Variants in PCDH11X observed in about 807,000 individuals in gnomAD.
PCDH11X encodes protocadherin-11 X-linked.
Under a neutral mutation model 53.3 loss-of-function variants are expected in PCDH11X, and 18 were observed. The observed-to-expected ratio is 0.34, with a 90% CI of 0.23 to 0.50. The LOEUF (loss-of-function observed/expected upper bound fraction) is 0.50, where lower values mean the gene tolerates loss of function less well. Among genes scored for constraint, PCDH11X ranks in the 20% least tolerant of loss-of-function variants. PCDH11X has a pLI of 0.98. For synonymous variants in PCDH11X, 279 were observed against 393.3 expected, an observed-to-expected ratio of 0.71 and a Z score of 3.44; for missense variants, 570 against 1,032.4, an observed-to-expected ratio of 0.55 and a Z score of 6.14.
intron 4 of PCDH11X, among the ~76,000 whole-genome samples, chrX:91,824,896 C>T (rs1341943453): frequency 9.3e-6 from 1 of 107,162 alleles, no homozygotes; most frequent in Non-Finnish European, 1.9e-5. Flanking sequence ...TTCTAACAGA[C>T]AGGACCCTCA....
intron 6 of PCDH11X, among the ~76,000 whole-genome samples, chrX:91,901,414 C>T (rs1275848609): frequency 9.0e-6 from 1 of 111,024 alleles, no homozygotes; most frequent in Non-Finnish European, 1.9e-5. Context: ...CCAGTCCTTT[C>T]CTGTCAGCCT....
intron 6 of PCDH11X, among the ~76,000 whole-genome samples, chrX:91,929,663 A>T (rs1200573250): frequency 9.0e-6 from 1 of 111,641 alleles, no homozygotes; most frequent in Admixed American, 9.6e-5. Context: ...TCTCCGGGAA[A>T]TAATAAAATT....
At chrX:92,379,931 T>G (rs2070835072) in intron 8 of PCDH11X, among the ~76,000 whole-genome samples, 1 of 94,688 alleles carries the variant, frequency 1.1e-5, no homozygotes, top group Non-Finnish European at 2.2e-5. Context: ...ACCCACCAAA[T>G]GGCAGGACTG....
intron 6 of PCDH11X, among the ~76,000 whole-genome samples, chrX:91,927,872 A>G (rs1941999137): frequency 9.0e-6 from 1 of 111,105 alleles, no homozygotes; most frequent in African/African-American, 3.3e-5. Context: ...AGACATGAAC[A>G]TGATTAAGCT....
At chrX:92,577,972 A>T (rs1328676874) in intron 10 of PCDH11X, among the ~76,000 whole-genome samples, 1 of 108,698 alleles carries the variant, frequency 9.2e-6, no homozygotes, top group African/African-American at 3.4e-5. Context: ...GATCAGTTTT[A>T]TAGTAAGTGC....
chrX:92,140,720 C>T (rs1051890456), intron 6 of PCDH11X, among the ~76,000 whole-genome samples: 21 of 111,279 alleles, frequency 1.9e-4, no homozygotes, highest in African/African-American at 6.5e-4. Flanking sequence ...TGCCAACCCA[C>T]TTATAGCAAG....
chrX:92,561,986 T>A (rs747595533), intron 10 of PCDH11X, among the ~76,000 whole-genome samples: 26 of 107,325 alleles, frequency 2.4e-4, no homozygotes, highest in Admixed American at 1.0e-3. Context: ...ATACCAGAGA[T>A]TGAGTAATTT....
chrX:92,336,093 G>A (rs2148510064), intron 8 of PCDH11X, among the ~76,000 whole-genome samples: 1 of 110,975 alleles, frequency 9.0e-6, no homozygotes, highest in Non-Finnish European at 1.9e-5. Context: ...AAATTACAAG[G>A]AAGGTATCTA....
chrX:91,913,745 C>A (rs79880728), intron 6 of PCDH11X, among the ~76,000 whole-genome samples: 2 of 111,124 alleles, frequency 1.8e-5, no homozygotes, highest in South Asian at 7.6e-4. Flanking sequence ...TTACTACTAT[C>A]ACAGCTGGTG....
intron 1 of PCDH11X, among the ~76,000 whole-genome samples, chrX:91,789,200 C>CAAAAAAAAAAAA (rs764959497): frequency 1.9e-4 from 9 of 47,190 alleles, no homozygotes; most frequent in Admixed American, 3.4e-4. Context: ...GACTCCGTCT[C>CAAAAAAAAAAAA]AAAAAAAAAA....
chrX:92,238,749 G>T (rs1324569997), intron 7 of PCDH11X, among the ~76,000 whole-genome samples: 1 of 111,195 alleles, frequency 9.0e-6, no homozygotes, highest in East Asian at 2.8e-4. Context: ...TACATGTAAA[G>T]TAACAATGCC....
At chrX:92,139,874 T>G (rs1210753460) in intron 6 of PCDH11X, among the ~76,000 whole-genome samples, 2 of 110,872 alleles carry the variant, frequency 1.8e-5, no homozygotes, top group East Asian at 5.7e-4. Context: ...GGGACTATTT[T>G]TCTATATTCT....
At chrX:92,461,304 A>T (rs1245916296) in intron 9 of PCDH11X, among the ~76,000 whole-genome samples, 1 of 108,419 alleles carries the variant, frequency 9.2e-6, no homozygotes, top group East Asian at 2.9e-4. Context: ...CTGACTTCAA[A>T]TTATACTACA....
At chrX:92,498,290 A>T (rs1343179131) in intron 10 of PCDH11X, among the ~76,000 whole-genome samples, 2 of 110,610 alleles carry the variant, frequency 1.8e-5, no homozygotes, top group Non-Finnish European at 3.8e-5. Context: ...CAACAAAATT[A>T]GCAAAAGTAT....
intron 6 of PCDH11X, among the ~76,000 whole-genome samples, chrX:91,920,055 A>T (rs1433265227): frequency 3.6e-5 from 4 of 111,636 alleles, no homozygotes; most frequent in African/African-American, 1.3e-4. Context: ...TTTTCTACTG[A>T]ATAATCCATG....
At chrX:92,113,471 G>A in intron 6 of PCDH11X, 1 of 1,204,013 alleles carries the variant, frequency 8.3e-7, no homozygotes. Context: ...CTGGCCAGCA[G>A]GTCAGTGGTA....
At chrX:92,272,732 CAT>C (rs2067985815) in intron 8 of PCDH11X, among the ~76,000 whole-genome samples, 1 of 112,004 alleles carries the variant, frequency 8.9e-6, no homozygotes, top group Non-Finnish European at 1.9e-5. Flanking sequence ...ATTTAACAAA[CAT>C]ATGTGGAATG....
intron 1 of PCDH11X, among the ~76,000 whole-genome samples, chrX:91,797,779 T>C (rs1244279241): frequency 9.1e-6 from 1 of 109,832 alleles, no homozygotes; most frequent in Non-Finnish European, 1.9e-5. Context: ...AGCAATTCCT[T>C]ATTCTTTAAT....
chrX:92,053,321 T>C (rs1272960009), intron 6 of PCDH11X, among the ~76,000 whole-genome samples: 1 of 108,639 alleles, frequency 9.2e-6, no homozygotes, highest in African/African-American at 3.4e-5. Context: ...AACCCCAGGG[T>C]GTCAACCTAT....
Sources: gnomAD v4.1 joint callset for allele counts (sites outside exome capture counted in the v4.1 genomes callset) on GRCh38, gnomAD v4.1.1 for gene constraint, MANE v1.5 for transcripts, NCBI Gene and HGNC (gene_info 2026-07-23, HGNC 2026-07-21) for gene names.